Variants in SAMMSON observed in about 807,000 individuals in gnomAD.
SAMMSON encodes the protein survival associated mitochondrial melanoma specific oncogenic non-coding RNA.
chr3:70,075,809 C>A (rs1189138091), intron 4 of SAMMSON, among the ~76,000 whole-genome samples: 1 of 150,866 alleles, frequency 6.6e-6, no homozygotes, highest in Non-Finnish European at 1.5e-5. Flanking sequence ...ATAAAATCAT[C>A]TTTTCTTTCA....
intron 4 of SAMMSON, among the ~76,000 whole-genome samples, chr3:70,123,831 A>C (rs1222766843): frequency 1.3e-5 from 2 of 152,248 alleles, no homozygotes; most frequent in Admixed American, 1.3e-4. Context: ...TAAAGCCTTC[A>C]GGCTTTTGGA....
chr3:70,309,906 CT>C (rs899228899), intron 7 of SAMMSON, among the ~76,000 whole-genome samples: 32 of 152,028 alleles, frequency 2.1e-4, no homozygotes, highest in Non-Finnish European at 4.1e-4. Flanking sequence ...GGACACGATT[CT>C]TTTTTTAAAG....
intron 4 of SAMMSON, among the ~76,000 whole-genome samples, chr3:70,143,100 T>A (rs2067534506): frequency 6.6e-6 from 1 of 152,144 alleles, no homozygotes; most frequent in African/African-American, 2.4e-5. Context: ...ATTTTAGACT[T>A]GTTACTTGAC....
chr3:70,057,215 A>T (rs1014858687), intron 3 of SAMMSON, among the ~76,000 whole-genome samples: 3 of 152,028 alleles, frequency 2.0e-5, no homozygotes, highest in Non-Finnish European at 2.9e-5. Context: ...TAATTTTGTT[A>T]TTGGGGAAAG....
chr3:70,323,046 A>T (rs887787431), intron 7 of SAMMSON, among the ~76,000 whole-genome samples: 1 of 152,204 alleles, frequency 6.6e-6, no homozygotes, highest in Non-Finnish European at 1.5e-5. Context: ...AGTGGAGATG[A>T]TAAAAGAAAT....
At chr3:70,171,431 T>G (rs1437227215) in intron 4 of SAMMSON, among the ~76,000 whole-genome samples, 1 of 151,896 alleles carries the variant, frequency 6.6e-6, no homozygotes, top group Non-Finnish European at 1.5e-5. Flanking sequence ...AAAAAAATCT[T>G]CAGACATATC....
intron 2 of SAMMSON, chr3:70,013,424 T>G (rs1376397380): frequency 1.3e-5 from 2 of 152,178 alleles, no homozygotes; most frequent in African/African-American, 4.8e-5. Flanking sequence ...TTGTAGTCAA[T>G]GGAGCTCCAG....
At chr3:70,234,266 C>T (rs1367617965) in intron 4 of SAMMSON, among the ~76,000 whole-genome samples, 1 of 152,092 alleles carries the variant, frequency 6.6e-6, no homozygotes, top group Admixed American at 6.6e-5. Flanking sequence ...ATTTTTTAAG[C>T]TATTTAGTCA....
intron 7 of SAMMSON, among the ~76,000 whole-genome samples, chr3:70,353,342 A>G (rs1177390348): frequency 7.2e-5 from 11 of 152,086 alleles, no homozygotes; most frequent in Non-Finnish European, 1.2e-4. Context: ...AGAAAGGACT[A>G]GCAACTAGAA....
chr3:70,315,127 A>G (rs6776983), intron 7 of SAMMSON, among the ~76,000 whole-genome samples: 152,298 of 152,298 alleles, frequency 1, 76,149 homozygotes, highest in Non-Finnish European at 1. Flanking sequence ...ACAAGAGTTT[A>G]TTCTGAAGAG....
At chr3:70,248,272 A>G (rs985512007) in intron 4 of SAMMSON, among the ~76,000 whole-genome samples, 2 of 152,154 alleles carry the variant, frequency 1.3e-5, no homozygotes, top group African/African-American at 4.8e-5. Flanking sequence ...AATATTATCA[A>G]CTTTCTAAAT....
At chr3:70,190,279 T>A (rs189815046) in intron 4 of SAMMSON, among the ~76,000 whole-genome samples, 318 of 152,306 alleles carry the variant, frequency 2.1e-3, no homozygotes, top group Middle Eastern at 0.014. Context: ...CAAGCCTTCA[T>A]CACCCCATGC....
At chr3:70,040,178 GAA>G (rs1238377354) in intron 3 of SAMMSON, among the ~76,000 whole-genome samples, 1 of 152,080 alleles carries the variant, frequency 6.6e-6, no homozygotes, top group Non-Finnish European at 1.5e-5. Flanking sequence ...ATAACCACCT[GAA>G]AGATGTGTTG....
chr3:70,247,620 A>G (rs1468207246), intron 4 of SAMMSON, among the ~76,000 whole-genome samples: 1 of 151,868 alleles, frequency 6.6e-6, no homozygotes, highest in Non-Finnish European at 1.5e-5. Flanking sequence ...TATCTCTTTT[A>G]ATCTTCAGAA....
At chr3:70,050,874 A>C (rs2067143222) in intron 3 of SAMMSON, among the ~76,000 whole-genome samples, 1 of 151,960 alleles carries the variant, frequency 6.6e-6, no homozygotes, top group Non-Finnish European at 1.5e-5. Context: ...AATGGCTCAC[A>C]CCTGTAATCG....
At chr3:70,207,049 T>TG (rs1420992800) in intron 4 of SAMMSON, among the ~76,000 whole-genome samples, 2 of 142,522 alleles carry the variant, frequency 1.4e-5, no homozygotes, top group Non-Finnish European at 3.0e-5. Flanking sequence ...TTTTTTTTTT[T>TG]GGTAATAAGT....
rs182024272 is a variant in SAMMSON at position 70,269,289 on chromosome 3, C to T, written n.674+19619C>T. On this transcript the variant is annotated intron_variant and non_coding_transcript_variant, in intron 6 of 9. Transcript: ENST00000642114. ...AAAAGCAGTGTTAAATTAAGTTTAG[C>T]CTAAAGCTGGCTCATTATATATTTC... Among the ~76,000 whole-genome samples, 7 of 152,190 alleles carry T rather than the reference C, an allele frequency of 4.6e-5. No individual in the cohort carries two copies. The East Asian group carries it at 1.4e-3, about 29-fold the overall frequency.
intron 1 of SAMMSON, among the ~76,000 whole-genome samples, chr3:70,000,034 C>T (rs2066899574): frequency 6.6e-6 from 1 of 152,186 alleles, no homozygotes; most frequent in Non-Finnish European, 1.5e-5. Context: ...TTCCGGTACA[C>T]CAAGGCGAGA....
At chr3:70,267,284 G>A (rs1211955178) in intron 6 of SAMMSON, among the ~76,000 whole-genome samples, 1 of 151,560 alleles carries the variant, frequency 6.6e-6, no homozygotes, top group Admixed American at 6.6e-5. Flanking sequence ...ATATTGTGAA[G>A]GTATTTCTAC....
Sources: gnomAD v4.1 joint callset for allele counts (sites outside exome capture counted in the v4.1 genomes callset) on GRCh38, gnomAD v4.1.1 for gene constraint, MANE v1.5 for transcripts, NCBI Gene and HGNC (gene_info 2026-07-23, HGNC 2026-07-21) for gene names.